GLP2R: variants seen among roughly 807,000 people sequenced by gnomAD.
The protein encoded by GLP2R is glucagon-like peptide 2 receptor.
Under a neutral mutation model 68.2 loss-of-function variants are expected in GLP2R, and 59 were observed. That is an observed-to-expected ratio of 0.87 (90% confidence interval 0.70 to 1.07). The LOEUF (loss-of-function observed/expected upper bound fraction) is 1.07, where lower values mean the gene tolerates loss of function less well. GLP2R is among the 50% of genes least tolerant of loss of function. GLP2R has a pLI of 0.00. For synonymous variants in GLP2R, 270 were observed against 265.4 expected (o/e 1.02, Z -0.17); for missense variants, 548 against 677.4 (o/e 0.81, Z 2.12).
chr17:9,850,672 C>A (rs979663291), intron 4 of GLP2R, among the ~76,000 whole-genome samples: 2 of 150,880 alleles, frequency 1.3e-5, no homozygotes, highest in Admixed American at 6.6e-5. Context: ...TGCTCCCTTA[C>A]CCTACCGATG....
rs966385527 is a variant in GLP2R at position 9,857,571 on chromosome 17, T to A, written c.760T>A (p.Ser254Thr). The change falls in exon 6 of 13, where the codon TCA becomes ACA. Residue 254 changes from serine (S) to threonine (T), a missense_variant. Coordinates refer to ENST00000262441, the MANE Select transcript of GLP2R (RefSeq NM_004246.3). ...DNENGWMSYLSEMSTSCRSVQ... is the reference protein window; with the variant it reads ...DNENGWMSYLTEMSTSCRSVQ... The stretch of plus-strand genomic sequence containing the variant: ...TGAGAATGGGTGGATGTCCTACCTG[T>A]CAGAGGTAATCCCCTTCCCCACTGT... 9 of 1,614,014 alleles carry A rather than the reference T, an allele frequency of 5.6e-6. No homozygotes were observed. The highest frequency in any genetic ancestry group is 7.6e-6 in the Non-Finnish European group (9 of 1,179,984).
chr17:9,842,660 C>T, intron 4 of GLP2R, 44 bp downstream of exon 4: 1 of 1,608,070 alleles, frequency 6.2e-7, no homozygotes, highest in Non-Finnish European at 8.5e-7. Context: ...GGGTCCAAAC[C>T]ACCCTCCTTC....
chr17:9,882,200 T>C lies in GLP2R; in HGVS notation c.1284+1684T>C, dbSNP rs561723019. Among the ~76,000 whole-genome samples the C allele has an allele frequency of 6.6e-5, 10 of 152,324 alleles. No homozygotes were observed. The South Asian group carries it at 1.9e-3, about 28-fold the overall frequency. ...TTCTAGTGAAAACTAGCAGCTTCACTGAAGAGGGAGGCTGACTTGATTTGG... is the reference window on the plus strand; with the variant it reads ...TTCTAGTGAAAACTAGCAGCTTCACCGAAGAGGGAGGCTGACTTGATTTGG... On this transcript the variant is annotated intron_variant, in intron 11 of 12. Transcript: ENST00000262441.
At position 9,889,727 on chromosome 17, in the gene GLP2R, C is replaced by A; in HGVS notation, c.*22C>A. 6.9e-7 allele frequency: 1 copy of A among 1,440,010 alleles called. No individual in the cohort carries two copies. The highest frequency in any genetic ancestry group is 1.3e-5 in the South Asian group (1 of 76,584). The allele number at this position is 1,440,010 out of a possible 1,614,324, so 89.2% of individuals were successfully genotyped here. On this transcript the variant is annotated 3_prime_UTR_variant, in exon 13 of 13. Transcript: ENST00000262441. ...CTAGGGTGGAGTTCCACCACCCTGG[C>A]TCTGCTCCCAGGGACTCTTGAGGGG...
At chr17:9,885,148 TTTATTATTATTATTA>T (rs3073992) in intron 11 of GLP2R, among the ~76,000 whole-genome samples, 69 of 143,370 alleles carry the variant, frequency 4.8e-4, no homozygotes, top group African/African-American at 1.5e-3. Context: ...TAGTAACCAT[TTTATTATTATTATTA>T]TTATTATTAT....
At chr17:9,849,012 A>T (rs553590509) in intron 4 of GLP2R, among the ~76,000 whole-genome samples, 1 of 131,000 alleles carries the variant, frequency 7.6e-6, no homozygotes, top group East Asian at 2.0e-4. Flanking sequence ...TCTATTCTTA[A>T]ATACATAATT....
intron 7 of GLP2R, among the ~76,000 whole-genome samples, chr17:9,860,535 A>C (rs1488433774): frequency 2.0e-5 from 3 of 152,118 alleles, no homozygotes; most frequent in African/African-American, 7.2e-5. Context: ...CTGTATTCTC[A>C]CATGGTGAGG....
chr17:9,855,078 C>T (rs917249236), intron 5 of GLP2R, among the ~76,000 whole-genome samples: 20 of 152,086 alleles, frequency 1.3e-4, no homozygotes, highest in Admixed American at 5.9e-4. Context: ...ATTTTTGAGC[C>T]GCAGTGCACC....
At chr17:9,828,558 C>T (rs2066653105) in intron 1 of GLP2R, among the ~76,000 whole-genome samples, 1 of 152,166 alleles carries the variant, frequency 6.6e-6, no homozygotes, top group Non-Finnish European at 1.5e-5. Context: ...TCAACACAAG[C>T]CTCTGAGAAG....
rs867547677 is a variant in GLP2R at position 9,870,953 on chromosome 17, G to A, written c.1145+118G>A. On this transcript the variant is annotated intron_variant, in intron 10 of 12. Coordinates refer to ENST00000262441, the MANE Select transcript of GLP2R (RefSeq NM_004246.3). ...TAAGGCCAGGGTATCAGAAAGAGCA[G>A]TTCTGGGAAGGTGCTATAGGATCAA... 1.5e-5 allele frequency: 10 copies of A among 666,846 alleles called. No homozygotes were observed. The Admixed American group carries it at 2.2e-4, about 15-fold the overall frequency. 41.3% of individuals were successfully genotyped at this position (666,846 alleles called of 1,614,324 possible). A position where few individuals can be genotyped will look rare whatever the true frequency, so the allele number is the denominator to read the frequency against.
intron 5 of GLP2R, among the ~76,000 whole-genome samples, chr17:9,857,102 A>G (rs1267203641): frequency 6.6e-6 from 1 of 152,126 alleles, no homozygotes; most frequent in African/African-American, 2.4e-5. Context: ...TTGTATTATT[A>G]GTAGAGGTGG....
At chr17:9,836,234 G>A in intron 2 of GLP2R, 137 bp from the exon 3 acceptor site, 1 of 639,096 alleles carries the variant, frequency 1.6e-6, no homozygotes, top group Non-Finnish European at 2.9e-6. Context: ...AGAGAGTGGG[G>A]CACCCATGCT....
chr17:9,846,884 C>T (rs1430063981), intron 4 of GLP2R, among the ~76,000 whole-genome samples: 1 of 152,182 alleles, frequency 6.6e-6, no homozygotes, highest in African/African-American at 2.4e-5. Flanking sequence ...TAGGGGTTTC[C>T]ATCTCAGGAG....
chr17:9,886,740 G>A (rs2095112501), intron 11 of GLP2R, among the ~76,000 whole-genome samples: 1 of 152,156 alleles, frequency 6.6e-6, no homozygotes, highest in Non-Finnish European at 1.5e-5. Flanking sequence ...GGCTCCAGAA[G>A]GGACATGCTG....
At position 9,889,691 on chromosome 17, in the gene GLP2R, G is replaced by T; in HGVS notation, c.1648G>T (p.Glu550Ter). The T allele has an allele frequency of 1.3e-6, 2 of 1,568,374 alleles. No homozygotes were observed. The highest frequency in any genetic ancestry group is 2.3e-5 in the South Asian group (2 of 87,194). The change falls in exon 13 of 13, where the codon GAG becomes TAG. Residue 550 changes from glutamate (E) to a stop codon, truncating the protein, a stop_gained. Coordinates refer to ENST00000262441, the MANE Select transcript of GLP2R (RefSeq NM_004246.3). LOFTEE classifies it high-confidence loss of function. Reference sequence around the variant, plus strand: ...CAACACCATGGAGGAGATTCTGGAAGAGAGTGAGATCTAGGGTGGAGTTCC... The same window carrying T: ...CAACACCATGGAGGAGATTCTGGAATAGAGTGAGATCTAGGGTGGAGTTCC... Reference protein sequence around the residue: ...MANTMEEILEESEI With the variant: ...MANTMEEILE
intron 11 of GLP2R, among the ~76,000 whole-genome samples, chr17:9,882,753 T>C (rs73259112): frequency 0.04 from 6,071 of 152,158 alleles, 404 homozygotes; most frequent in African/African-American, 0.14. Context: ...GATTTAAAAA[T>C]AAAAACCAAA....
intron 4 of GLP2R, among the ~76,000 whole-genome samples, chr17:9,846,574 G>C (rs1277751867): frequency 6.6e-6 from 1 of 152,186 alleles, no homozygotes; most frequent in Non-Finnish European, 1.5e-5. Context: ...AGCTACGATT[G>C]TGCCACTGCA....
At chr17:9,826,778 T>C (rs757508102) in intron 1 of GLP2R, among the ~76,000 whole-genome samples, 1 of 152,260 alleles carries the variant, frequency 6.6e-6, no homozygotes, top group Admixed American at 6.5e-5. Flanking sequence ...CAAATCACTC[T>C]ACTTCCAACA....
At chr17:9,860,409 C>T (rs963230805) in intron 7 of GLP2R, among the ~76,000 whole-genome samples, 1 of 152,124 alleles carries the variant, frequency 6.6e-6, no homozygotes, top group Non-Finnish European at 1.5e-5. Flanking sequence ...AAACAAAATA[C>T]CTGTGTAGTT....
Sources: allele counts gnomAD v4.1 joint callset (sites outside exome capture counted in the v4.1 genomes callset), GRCh38; gene constraint gnomAD v4.1.1; transcripts MANE v1.5; gene names NCBI Gene and HGNC (gene_info 2026-07-23, HGNC 2026-07-21).